EVPL: variants seen among roughly 807,000 people sequenced by gnomAD.
EVPL encodes the protein 210 kDa cornified envelope precursor protein.
EVPL carries 94 observed loss-of-function variants against 129.7 expected under a neutral mutation model. The ratio of observed to expected loss-of-function variants is 0.72; its 90% CI spans 0.61 to 0.86. The LOEUF is 0.86. EVPL is among the 40% of genes least tolerant of loss of function. The pLI is 0.00. For missense variants in EVPL, 2,625 were observed against 2,721.1 expected (o/e 0.96, Z 0.79); for synonymous variants, 1,172 against 1,191.1 (o/e 0.98, Z 0.33).
Position 76,007,989 on chromosome 17 carries a change from A to G in EVPL, c.5216T>C (p.Leu1739Pro), listed in dbSNP as rs746829847. Reference protein sequence around the residue: ...SGPCGEESVLLDRKSGKQYSI... With the variant: ...SGPCGEESVLPDRKSGKQYSI... ...GTACTGCTTCCCGCTCTTGCGGTCC[A>G]GGAGCACAGACTCCTCCCCACAGGG... The change falls in exon 22 of 22, where the codon CTG becomes CCG. Residue 1739 changes from leucine (L) to proline (P), a missense_variant. Coordinates refer to ENST00000301607, the MANE Select transcript of EVPL (RefSeq NM_001988.4). This position sits in a 1 kb window ranked among gnomAD's most constrained non-coding sequence, Gnocchi z 8.8. 6.2e-7 allele frequency: 1 copy of G among 1,613,988 alleles called. No homozygotes were observed. Among genetic ancestry groups the G allele is most frequent in the African/African-American group, 1.3e-5 (1 of 74,924 alleles).
Position 76,015,248 on chromosome 17 carries a change from C to G in EVPL, c.2007G>C (p.Gln669His). 5.0e-6 allele frequency: 8 copies of G among 1,600,302 alleles called. No individual in the cohort carries two copies. Among genetic ancestry groups the G allele is most frequent in the Non-Finnish European group, 6.8e-6 (8 of 1,177,420 alleles). ...TTACCTGCAGCTCGCTGACCCTCTC[C>G]TGCAGAGCCCCCGGTTCAGCAGGGA... ...APIPAEPGAL[Q>H]ERVSELQRQR... The change falls in exon 16 of 22, where the codon CAG becomes CAC. Residue 669 changes from glutamine to histidine, a missense_variant. Physicochemically the swap from Gln to His is conservative, Grantham distance 24. Coordinates refer to ENST00000301607, the MANE Select transcript of EVPL (RefSeq NM_001988.4).
chr17:76,023,789 G>T, intron 2 of EVPL, 135 bp from the exon 3 acceptor site: 1 of 1,407,620 alleles, frequency 7.1e-7, no homozygotes, highest in South Asian at 1.5e-5. Flanking sequence ...CAGGCACAGG[G>T]TCAGGACCAG....
intron 4 of EVPL, 144 bp downstream of exon 4, chr17:76,023,148 G>T: frequency 7.2e-7 from 1 of 1,397,084 alleles, no homozygotes; most frequent in Non-Finnish European, 9.7e-7. Flanking sequence ...TTCCCTGACT[G>T]CACTGTCTAC....
intron 16 of EVPL, 40 bp downstream of exon 16, chr17:76,015,187 G>C: frequency 6.4e-7 from 1 of 1,562,522 alleles, no homozygotes. Context: ...CCTGAATGCT[G>C]GGTTCCCCTG....
chr17:76,023,521 T>G lies in EVPL; in HGVS notation c.332A>C (p.Gln111Pro). Residue 111 changes from glutamine to proline, a missense_variant, in exon 3 of 22, where the codon CAG becomes CCG. By Grantham distance (76) the Gln-to-Pro change is moderately conservative. Coordinates refer to ENST00000301607, the MANE Select transcript of EVPL (RefSeq NM_001988.4). ...TCACTCCTTCTCAATCTCCTCAGCCTGCGGGTGCTTGAGCCGCCGGGCCTT... is the reference window on the plus strand; with the variant it reads ...TCACTCCTTCTCAATCTCCTCAGCCGGCGGGTGCTTGAGCCGCCGGGCCTT... ...VDKARRLKHP[Q>P]AEEIEKDIKQ... 6.2e-7 allele frequency: 1 copy of G among 1,613,140 alleles called. No homozygotes were observed. Among genetic ancestry groups the G allele is most frequent in the Non-Finnish European group, 8.5e-7 (1 of 1,179,740 alleles).
chr17:76,012,204 AGGGCAGGGAGGGAGACCT>A, intron 18 of EVPL, 115 bp from the exon 19 acceptor site: 2 of 697,972 alleles, frequency 2.9e-6, no homozygotes, highest in South Asian at 1.8e-5. Context: ...GGGACAAGAA[AGGGCAGGGAGGGAGACCT>A]GGGCCAAACT....
chr17:76,022,709 C>T lies in EVPL; in HGVS notation c.481-171G>A, dbSNP rs1482105593. Among the ~76,000 whole-genome samples, 3 of 152,166 alleles carry T rather than the reference C, an allele frequency of 2.0e-5. No homozygotes were observed. The highest frequency in any genetic ancestry group is 1.5e-5 in the Non-Finnish European group (1 of 68,018). On this transcript the variant is annotated intron_variant, in intron 4 of 21. Transcript: ENST00000301607. This position sits in a 1 kb window ranked among gnomAD's most constrained non-coding sequence, Gnocchi z 5.6. ...CTCCCCCAGGGGCGAGGCCATTCTG[C>T]AGTGGCCCCTGAGTCCCACTGGTTC...
At position 76,014,965 on chromosome 17, in the gene EVPL, G is replaced by A. The variant is rs780394655; in HGVS notation, c.2173C>T (p.Arg725Ter). Residue 725 changes from arginine (R) to a stop codon, truncating the protein, a stop_gained, in exon 17 of 22, where the codon CGA becomes TGA. Coordinates refer to ENST00000301607, the MANE Select transcript of EVPL (RefSeq NM_001988.4). LOFTEE classifies it high-confidence loss of function. ...GCGTGGTAGCGGTCGGTGAGGGCTC[G>A]CACCTGGCGCTGCTGGCGAGGCAGG... ...QDLPRQQRQVRALTDRYHAVG... is the reference protein window; with the variant it reads ...QDLPRQQRQV 17 of 1,595,968 alleles carry A rather than the reference G, an allele frequency of 1.1e-5. No individual in the cohort carries two copies. Among genetic ancestry groups the A allele is most frequent in the East Asian group, 2.2e-5 (1 of 44,588 alleles).
chr17:76,012,065 G>A lies in EVPL; in HGVS notation c.2398C>T (p.Arg800Ter), dbSNP rs201637285. 8.7e-6 allele frequency: 14 copies of A among 1,611,574 alleles called. No individual in the cohort carries two copies. Among genetic ancestry groups the A allele is most frequent in the East Asian group, 2.2e-5 (1 of 44,838 alleles). Residue 800 changes from arginine to a stop codon, truncating the protein, a stop_gained, in exon 19 of 22, where the codon CGA becomes TGA. Transcript: ENST00000301607. LOFTEE classifies it high-confidence loss of function. ...GATGCTGTGGCCCTGTCCCGCTCTC[G>A]GCTCTGGATCTCCTGCGTCAGCCTC... is the stretch of plus-strand genomic sequence containing the variant. ...QKRLTQEIQS[R>*]ERDRATASHL... is the part of the protein sequence containing the mutation.
rs2066475304 is a variant in EVPL, at chr17:76,023,277, C to T, written c.480+15G>A. The T allele has an allele frequency of 6.2e-7, 1 of 1,613,610 alleles. No individual in the cohort carries two copies. On this transcript the variant is annotated intron_variant, in intron 4 of 21. Coordinates refer to ENST00000301607, the MANE Select transcript of EVPL (RefSeq NM_001988.4). ...GCCCTCTGATCACACTGGGGTGTGACTTTGAGTTCCTGACCTGTTTCTGCT... is the reference window on the plus strand; with the variant it reads ...GCCCTCTGATCACACTGGGGTGTGATTTTGAGTTCCTGACCTGTTTCTGCT...
In EVPL at chr17:76,006,982, TA is replaced by T; in HGVS notation, c.*120del. On this transcript the variant is annotated 3_prime_UTR_variant, in exon 22 of 22. Coordinates refer to ENST00000301607, the MANE Select transcript of EVPL (RefSeq NM_001988.4). ...GCCCATCACCATGTTAGTAAAATAA[TA>T]AAACAGTGGTTGGACAGAGGGAAGA... The T allele has an allele frequency of 8.8e-7, 1 of 1,131,208 alleles. No homozygotes were observed. Among genetic ancestry groups the T allele is most frequent in the Non-Finnish European group, 1.1e-6 (1 of 887,920 alleles). 70.1% of individuals were successfully genotyped at this position (1,131,208 alleles called of 1,614,324 possible).
At position 76,024,863 on chromosome 17, in the gene EVPL, A is replaced by G. The variant is rs1406030002; in HGVS notation, c.99-743T>C. ...CCTCCATAGAGCACCTGCTGTGTGC[A>G]TGCACTCACTGTGCGGAGGTCACAA... On this transcript the variant is annotated intron_variant, in intron 1 of 21. Transcript: ENST00000301607. The surrounding 1 kb of genome is among the most constrained non-coding windows in gnomAD (Gnocchi z 4.5). Among the ~76,000 whole-genome samples the G allele has an allele frequency of 6.6e-6, 1 of 152,192 alleles. No individual in the cohort carries two copies. Among genetic ancestry groups the G allele is most frequent in the Non-Finnish European group, 1.5e-5 (1 of 68,036 alleles).
At position 76,018,063 on chromosome 17, in the gene EVPL, C is replaced by G. The variant is rs1401658929; in HGVS notation, c.1537+98G>C. On this transcript the variant is annotated intron_variant, in intron 13 of 21. Transcript: ENST00000301607. ...GATGAAATCCCCAGAGTGATGGTCC[C>G]TAACCCAAGGCGACCCCTGCCCATC... 3.9e-6 allele frequency: 6 copies of G among 1,533,246 alleles called. No homozygotes were observed. In the South Asian group the frequency reaches 7.3e-5, roughly 19 times the overall value. 95.0% of individuals were successfully genotyped at this position (1,533,246 alleles called of 1,614,324 possible).
chr17:76,023,189 C>T lies in EVPL; in HGVS notation c.480+103G>A. 3 of 1,555,292 alleles carry T rather than the reference C, an allele frequency of 1.9e-6. No individual in the cohort carries two copies. In the South Asian group the frequency reaches 3.6e-5, roughly 19 times the overall value. ...TGTCTCTCTGCCCAGACCCCTGAGCCACCCCTACACCCTGACTATTCAAGC... is the reference window on the plus strand; with the variant it reads ...TGTCTCTCTGCCCAGACCCCTGAGCTACCCCTACACCCTGACTATTCAAGC... On this transcript the variant is annotated intron_variant, in intron 4 of 21. Coordinates refer to ENST00000301607, the MANE Select transcript of EVPL (RefSeq NM_001988.4).
rs1202449587 is a variant in EVPL, at chr17:76,022,128, G to A, written c.645+61C>T. 13 of 1,601,072 alleles carry A rather than the reference G, an allele frequency of 8.1e-6. No homozygotes were observed. The highest frequency in any genetic ancestry group is 1.0e-5 in the Non-Finnish European group (12 of 1,175,314). The stretch of plus-strand genomic sequence containing the variant: ...GCTCAGGAACACTGGCCCCGGGCAG[G>A]GTCCGGGCGGCCACCCAGGCCCACC... On this transcript the variant is annotated intron_variant, in intron 6 of 21. Transcript: ENST00000301607. This position sits in a 1 kb window ranked among gnomAD's most constrained non-coding sequence, Gnocchi z 5.6.
intron 2 of EVPL, 28 bp from the exon 3 acceptor site, chr17:76,023,682 C>T (rs532804004): frequency 6.6e-7 from 1 of 1,516,420 alleles, no homozygotes; most frequent in Admixed American, 2.1e-5. Context: ...GCAGACTGGC[C>T]AGGGCCCAGA....
chr17:76,019,792 C>T (rs950534962), intron 9 of EVPL, 139 bp from the exon 10 acceptor site: 1 of 1,119,672 alleles, frequency 8.9e-7, no homozygotes, highest in African/African-American at 1.6e-5. Flanking sequence ...TAAACACAAA[C>T]CAGATAAATG....
At position 76,023,872 on chromosome 17, in the gene EVPL, G is replaced by A. The variant is rs2066481026; in HGVS notation, c.198+149C>T. On this transcript the variant is annotated intron_variant, in intron 2 of 21. Coordinates refer to ENST00000301607, the MANE Select transcript of EVPL (RefSeq NM_001988.4). ...AGGAAGCTGAGCCCTCTCTCCCACC[G>A]TGTGTTAGGGGATGGGCGGTGCAGG... 4.9e-6 allele frequency: 6 copies of A among 1,218,358 alleles called. No individual in the cohort carries two copies. The South Asian group carries it at 5.7e-5, about 12-fold the overall frequency. The allele number at this position is 1,218,358 out of a possible 1,614,324, so 75.5% of individuals were successfully genotyped here. A position where few individuals can be genotyped will look rare whatever the true frequency, so the allele number is the denominator to read the frequency against.
intron 17 of EVPL, 132 bp from the exon 18 acceptor site, chr17:76,014,708 C>A: frequency 1.5e-6 from 2 of 1,296,652 alleles, no homozygotes; most frequent in East Asian, 2.5e-5. Context: ...TGTGCAGATC[C>A]CCACTCCCTG....
Sources: allele counts gnomAD v4.1 joint callset (sites outside exome capture counted in the v4.1 genomes callset), GRCh38; gene constraint gnomAD v4.1.1; non-coding constraint Gnocchi (gnomAD v3.1); transcripts MANE v1.5; gene names NCBI Gene and HGNC (gene_info 2026-07-23, HGNC 2026-07-21).